Variants in HEMK2 observed in about 807,000 individuals in gnomAD.
The protein encoded by HEMK2 is HemK methyltransferase 2, ETF1 glutamine and histone H4 lysine.
chr21:28,778,220 TA>T, the HEMK2 span, among the ~76,000 whole-genome samples: 1 of 152,240 alleles, frequency 6.6e-6, no homozygotes, highest in African/African-American at 2.4e-5. Context: ...ATACAGTATT[TA>T]ACCTTTAGGG....
chr21:28,765,884 G>C, the HEMK2 span, among the ~76,000 whole-genome samples: 1 of 152,000 alleles, frequency 6.6e-6, no homozygotes, highest in East Asian at 1.9e-4. Context: ...AATCAACAGG[G>C]AAATGCAAAT....
the HEMK2 span, among the ~76,000 whole-genome samples, chr21:28,813,681 T>C: frequency 6.6e-6 from 1 of 152,068 alleles, no homozygotes; most frequent in African/African-American, 2.4e-5. Flanking sequence ...CAAACTATAC[T>C]ACAAGGCTAC....
the HEMK2 span, among the ~76,000 whole-genome samples, chr21:28,760,668 CA>C: frequency 6.6e-6 from 1 of 152,090 alleles, no homozygotes. Context: ...ATATTTATGA[CA>C]TTGATATTTT....
At chr21:28,754,506 T>C in the HEMK2 span, among the ~76,000 whole-genome samples, 1 of 152,214 alleles carries the variant, frequency 6.6e-6, no homozygotes, top group Non-Finnish European at 1.5e-5. Context: ...TGATGCCTTT[T>C]AGCATGTGGG....
At chr21:28,857,076 G>T in the HEMK2 span, among the ~76,000 whole-genome samples, 2 of 152,190 alleles carry the variant, frequency 1.3e-5, no homozygotes, top group African/African-American at 2.4e-5. Flanking sequence ...CAGCAGGCTG[G>T]AGATTGCCCA....
At chr21:28,664,145 C>A in the HEMK2 span, among the ~76,000 whole-genome samples, 1 of 152,058 alleles carries the variant, frequency 6.6e-6, no homozygotes, top group Admixed American at 6.6e-5. Context: ...TTAGTAAGTT[C>A]TTTGATGCTT....
chr21:28,682,504 G>A, the HEMK2 span, among the ~76,000 whole-genome samples: 1 of 151,318 alleles, frequency 6.6e-6, no homozygotes. Flanking sequence ...CGATTCCTCA[G>A]GGATCTAGAA....
At chr21:28,859,910 T>C in the HEMK2 span, among the ~76,000 whole-genome samples, 21 of 152,356 alleles carry the variant, frequency 1.4e-4, no homozygotes, top group East Asian at 4.0e-3. Context: ...AAATGAACTA[T>C]CTGAGCTTCA....
the HEMK2 span, chr21:28,876,272 CT>C: frequency 4.1e-5 from 28 of 686,186 alleles, no homozygotes; most frequent in African/African-American, 1.1e-4. Flanking sequence ...ACCTTTCTAC[CT>C]TTTTTTAATG....
At chr21:28,687,803 G>A in the HEMK2 span, among the ~76,000 whole-genome samples, 1 of 152,150 alleles carries the variant, frequency 6.6e-6, no homozygotes, top group African/African-American at 2.4e-5. Flanking sequence ...AAAGCTTAAG[G>A]ATGGAGGCCT....
At chr21:28,877,033 A>AGGG in the HEMK2 span, among the ~76,000 whole-genome samples, 1 of 29,498 alleles carries the variant, frequency 3.4e-5, no homozygotes, top group African/African-American at 1.4e-4. Flanking sequence ...GGAAGGAAGG[A>AGGG]AGGAGGGAGG....
At chr21:28,702,738 G>A in the HEMK2 span, among the ~76,000 whole-genome samples, 1 of 152,140 alleles carries the variant, frequency 6.6e-6, no homozygotes, top group Non-Finnish European at 1.5e-5. Flanking sequence ...ACACATTGTG[G>A]AAAGCAGTTT....
At chr21:28,729,539 T>C in the HEMK2 span, among the ~76,000 whole-genome samples, 2 of 151,292 alleles carry the variant, frequency 1.3e-5, no homozygotes, top group Non-Finnish European at 2.9e-5. Context: ...ACGGCAGGGG[T>C]GTCCAATCTT....
chr21:28,728,875 C>T, the HEMK2 span, among the ~76,000 whole-genome samples: 1 of 152,338 alleles, frequency 6.6e-6, no homozygotes, highest in Admixed American at 6.5e-5. Flanking sequence ...AGATCTCTCC[C>T]TCTTTCCCTA....
At chr21:28,712,599 A>G in the HEMK2 span, among the ~76,000 whole-genome samples, 1 of 152,308 alleles carries the variant, frequency 6.6e-6, no homozygotes, top group South Asian at 2.1e-4. Flanking sequence ...GGAACCAACA[A>G]TCAAAGCCAA....
chr21:28,701,961 A>C, the HEMK2 span, among the ~76,000 whole-genome samples: 9 of 152,144 alleles, frequency 5.9e-5, no homozygotes, highest in Non-Finnish European at 1.0e-4. Context: ...CCAAAACAGC[A>C]CGGTACCACT....
the HEMK2 span, among the ~76,000 whole-genome samples, chr21:28,580,566 CT>C: frequency 1.2e-5 from 1 of 81,474 alleles, no homozygotes; most frequent in East Asian, 2.1e-4. Context: ...GTTTAATGCA[CT>C]TAAAAAAAAA....
chr21:28,762,844 T>A, the HEMK2 span, among the ~76,000 whole-genome samples: 7 of 152,270 alleles, frequency 4.6e-5, no homozygotes, highest in African/African-American at 1.7e-4. Context: ...CTTTTCTTTA[T>A]AAATTACTCC....
At chr21:28,851,429 A>C in the HEMK2 span, among the ~76,000 whole-genome samples, 538 of 152,300 alleles carry the variant, frequency 3.5e-3, 4 homozygotes, top group African/African-American at 0.012. Flanking sequence ...CGGCCAGAGT[A>C]ACACACTTAA....
Sources: gnomAD v4.1 joint callset for allele counts (sites outside exome capture counted in the v4.1 genomes callset) on GRCh38, gnomAD v4.1.1 for gene constraint, MANE v1.5 for transcripts, NCBI Gene and HGNC (gene_info 2026-07-23, HGNC 2026-07-21) for gene names.